The following APBA2 variants were observed in gnomAD, a reference collection of about 807,000 sequenced individuals.
The protein encoded by APBA2 is amyloid beta precursor protein binding family A member 2.
In APBA2, 30 loss-of-function variants were observed where a neutral mutation model predicts 75.0. The ratio of observed to expected loss-of-function variants is 0.40; its 90% CI spans 0.30 to 0.54. APBA2 has a LOEUF of 0.54. Ranked by LOEUF, APBA2 falls within the 20% of genes least tolerant of loss-of-function variation. The pLI is 0.49. For missense variants in APBA2, 801 were observed against 1,016.1 expected (o/e 0.79, Z 2.88); for synonymous variants, 444 against 409.6 (o/e 1.08, Z -1.01).
chr15:28,887,258 GTTT>G (rs2152594686), intron 1 of APBA2, among the ~76,000 whole-genome samples: 1 of 152,350 alleles, frequency 6.6e-6, no homozygotes, highest in East Asian at 1.9e-4. Flanking sequence ...GTCTGGCACT[GTTT>G]TTGGGCTAAA....
At chr15:28,980,570 A>G (rs1353894733) in intron 2 of APBA2, among the ~76,000 whole-genome samples, 1 of 152,216 alleles carries the variant, frequency 6.6e-6, no homozygotes, top group Non-Finnish European at 1.5e-5. Flanking sequence ...AAAACATTCT[A>G]TCCTCATGGA....
chr15:29,042,626 T>C (rs2041106714), intron 3 of APBA2, among the ~76,000 whole-genome samples: 1 of 152,150 alleles, frequency 6.6e-6, no homozygotes, highest in African/African-American at 2.4e-5. Context: ...CATATGAATT[T>C]TGAGGGGACA....
chr15:29,017,397 C>CTTTTTTTTTT (rs56993296), intron 3 of APBA2, among the ~76,000 whole-genome samples: 10 of 102,084 alleles, frequency 9.8e-5, no homozygotes, highest in Non-Finnish European at 1.8e-4. Context: ...TTCTTTCTTT[C>CTTTTTTTTTT]TTTTTTTTTT....
intron 3 of APBA2, among the ~76,000 whole-genome samples, chr15:29,044,124 C>T (rs535003640): frequency 1.4e-4 from 22 of 152,278 alleles, no homozygotes; most frequent in African/African-American, 4.6e-4. Context: ...TTGTATGATA[C>T]GTTTTCACCC....
chr15:28,928,294 G>A (rs1219652958), intron 2 of APBA2, among the ~76,000 whole-genome samples: 5 of 152,136 alleles, frequency 3.3e-5, no homozygotes, highest in Non-Finnish European at 1.5e-5. Context: ...TATGGGCTAC[G>A]TGTAATGTTT....
rs1325300357 is a variant in APBA2 at position 29,108,293 on chromosome 15, G to C, written c.1941G>C (p.Val647=). The change falls in exon 13 of 15, where the codon GTG becomes GTC. Residue 647 remains valine, a synonymous_variant. Coordinates refer to ENST00000683413, the MANE Select transcript of APBA2 (RefSeq NM_001353788.2). Reference sequence around the variant, plus strand: ...AGGGCCTGAAGAACCAGACACAGGTGAAGCTCAACATTGTCAGCTGTCCCC... The same window carrying C: ...AGGGCCTGAAGAACCAGACACAGGTCAAGCTCAACATTGTCAGCTGTCCCC... ...IIKGLKNQTQ[V]KLNIVSCPPV... 1 of 1,613,972 alleles carries C rather than the reference G, an allele frequency of 6.2e-7. No homozygotes were observed. The highest frequency in any genetic ancestry group is 1.7e-5 in the Admixed American group (1 of 60,028).
chr15:29,061,956 G>A (rs991697289), intron 4 of APBA2, among the ~76,000 whole-genome samples: 2 of 152,174 alleles, frequency 1.3e-5, no homozygotes, highest in African/African-American at 4.8e-5. Context: ...TGTGCAGATG[G>A]GGTGGTCCTG....
intron 1 of APBA2, among the ~76,000 whole-genome samples, chr15:28,888,753 G>A (rs953850696): frequency 3.9e-5 from 6 of 152,226 alleles, no homozygotes; most frequent in South Asian, 2.1e-4. Context: ...CCTGGGTGGC[G>A]GGCGGTCCTG....
At chr15:29,115,766 A>AGCAGGGAGCAGGC (rs970122981) in intron 14 of APBA2, among the ~76,000 whole-genome samples, 12 of 152,166 alleles carry the variant, frequency 7.9e-5, no homozygotes, top group African/African-American at 1.4e-4. Flanking sequence ...CGGGAGCAGG[A>AGCAGGGAGCAGGC]GCAGCGGAAA....
intron 11 of APBA2, 92 bp from the exon 12 acceptor site, chr15:29,106,515 C>G: frequency 7.1e-7 from 1 of 1,418,286 alleles, no homozygotes; most frequent in Non-Finnish European, 9.8e-7. Context: ...CGGGATGTGC[C>G]AGGACAGGGT....
intron 3 of APBA2, among the ~76,000 whole-genome samples, chr15:29,043,984 T>C (rs1303253801): frequency 6.6e-6 from 1 of 152,208 alleles, no homozygotes; most frequent in African/African-American, 2.4e-5. Flanking sequence ...ACCCACATCA[T>C]GTATAGTGTA....
At chr15:28,890,031 G>A (rs2032024978) in intron 1 of APBA2, among the ~76,000 whole-genome samples, 1 of 151,996 alleles carries the variant, frequency 6.6e-6, no homozygotes, top group Non-Finnish European at 1.5e-5. Context: ...GTTGTTGGAT[G>A]AGTGAGTGAA....
intron 1 of APBA2, among the ~76,000 whole-genome samples, chr15:28,913,769 G>T (rs2033542018): frequency 6.6e-6 from 1 of 152,226 alleles, no homozygotes; most frequent in South Asian, 2.1e-4. Context: ...TCTACTAGTT[G>T]TAGCTTACAG....
intron 3 of APBA2, among the ~76,000 whole-genome samples, chr15:29,039,978 G>C (rs1257920702): frequency 6.6e-6 from 1 of 152,168 alleles, no homozygotes; most frequent in Non-Finnish European, 1.5e-5. Context: ...CCTTTGATCT[G>C]AGTGCTGACT....
At chr15:29,074,832 A>G in intron 4 of APBA2, 89 bp from the exon 5 acceptor site, 1 of 1,195,170 alleles carries the variant, frequency 8.4e-7, no homozygotes, top group South Asian at 1.3e-5. Context: ...CATGCATTTT[A>G]CAAAATTGTA....
At chr15:28,963,810 C>T (rs953916318) in intron 2 of APBA2, among the ~76,000 whole-genome samples, 10 of 152,152 alleles carry the variant, frequency 6.6e-5, no homozygotes, top group African/African-American at 2.2e-4. Flanking sequence ...TTATGCATAA[C>T]GATAGTACAA....
chr15:28,887,516 G>C (rs2031826892), intron 1 of APBA2, among the ~76,000 whole-genome samples: 1 of 152,180 alleles, frequency 6.6e-6, no homozygotes, highest in African/African-American at 2.4e-5. Context: ...GGTTTCTCCT[G>C]TGTGTCGCCA....
chr15:29,077,209 T>C (rs1028005886), intron 6 of APBA2, among the ~76,000 whole-genome samples: 1 of 152,216 alleles, frequency 6.6e-6, no homozygotes, highest in African/African-American at 2.4e-5. Context: ...CAGCAGGTTA[T>C]GATGATTCCT....
At chr15:29,093,839 T>C (rs549947104) in intron 7 of APBA2, among the ~76,000 whole-genome samples, 1 of 152,276 alleles carries the variant, frequency 6.6e-6, no homozygotes, top group African/African-American at 2.4e-5. Flanking sequence ...GCCCTCACCA[T>C]ACACAACCTC....
Sources: gnomAD v4.1 joint callset for allele counts (sites outside exome capture counted in the v4.1 genomes callset) on GRCh38, gnomAD v4.1.1 for gene constraint, MANE v1.5 for transcripts, NCBI Gene and HGNC (gene_info 2026-07-23, HGNC 2026-07-21) for gene names.